The following KCNQ5 variants were observed in gnomAD, a reference collection of about 807,000 sequenced individuals.
KCNQ5 encodes the protein potassium voltage-gated channel subfamily KQT member 5.
Under a neutral mutation model 98.2 loss-of-function variants are expected in KCNQ5, and 30 were observed. The ratio of observed to expected loss-of-function variants is 0.31; its 90% CI spans 0.23 to 0.41. KCNQ5 has a LOEUF of 0.41. KCNQ5 is among the 10% of genes least tolerant of loss of function. The pLI is 1.00. For missense variants in KCNQ5, 835 were observed against 1,182.5 expected, an observed-to-expected ratio of 0.71 and a Z score of 4.31; for synonymous variants, 458 against 449.4, an observed-to-expected ratio of 1.02 and a Z score of -0.24.
chr6:73,162,206 C>T (rs775591364), intron 10 of KCNQ5, among the ~76,000 whole-genome samples: 5 of 151,936 alleles, frequency 3.3e-5, no homozygotes, highest in East Asian at 3.9e-4. Flanking sequence ...GGATTACAGG[C>T]GTGAGCTGCC....
chr6:72,759,363 A>C (rs1041727384), intron 1 of KCNQ5, among the ~76,000 whole-genome samples: 2 of 152,118 alleles, frequency 1.3e-5, no homozygotes, highest in East Asian at 3.9e-4. Context: ...GTTATAAGGG[A>C]AAAAAAATAT....
intron 1 of KCNQ5, among the ~76,000 whole-genome samples, chr6:72,837,895 T>C (rs779110979): frequency 7.7e-4 from 117 of 152,268 alleles, no homozygotes; most frequent in Non-Finnish European, 9.7e-4. Context: ...TCTGGCTAAA[T>C]AGAAACCTGA....
intron 5 of KCNQ5, among the ~76,000 whole-genome samples, chr6:73,097,300 C>T (rs888597740): frequency 1.3e-5 from 2 of 151,662 alleles, no homozygotes; most frequent in African/African-American, 4.8e-5. Context: ...TTCAGATTCC[C>T]CATGTAGTGA....
intron 1 of KCNQ5, among the ~76,000 whole-genome samples, chr6:72,698,588 A>G (rs553602861): frequency 1.3e-5 from 2 of 151,888 alleles, no homozygotes; most frequent in African/African-American, 2.4e-5. Context: ...TTAAATAGGG[A>G]AAAGAGAATA....
At chr6:72,810,182 A>G (rs1463907173) in intron 1 of KCNQ5, among the ~76,000 whole-genome samples, 1 of 152,190 alleles carries the variant, frequency 6.6e-6, no homozygotes, top group Non-Finnish European at 1.5e-5. Flanking sequence ...AATGCTCCTT[A>G]ACAATGATGT....
intron 5 of KCNQ5, among the ~76,000 whole-genome samples, chr6:73,085,607 T>C (rs1260368180): frequency 6.6e-6 from 1 of 151,764 alleles, no homozygotes; most frequent in Non-Finnish European, 1.5e-5. Context: ...GTGGGCAGGG[T>C]CTTTGCTCAC....
intron 1 of KCNQ5, among the ~76,000 whole-genome samples, chr6:72,727,416 C>T (rs1770338342): frequency 6.6e-6 from 1 of 152,154 alleles, no homozygotes; most frequent in Non-Finnish European, 1.5e-5. Flanking sequence ...AAAATGTTTT[C>T]ACATGAAAAT....
chr6:72,742,944 G>A (rs1009068695), intron 1 of KCNQ5, among the ~76,000 whole-genome samples: 4 of 152,082 alleles, frequency 2.6e-5, no homozygotes, highest in African/African-American at 9.7e-5. Context: ...AAAAGAAACC[G>A]GAAATATTCT....
At chr6:72,674,408 C>T (rs1767301624) in intron 1 of KCNQ5, among the ~76,000 whole-genome samples, 1 of 151,950 alleles carries the variant, frequency 6.6e-6, no homozygotes, top group African/African-American at 2.4e-5. Context: ...CAGAAATCAC[C>T]ACTAAAGAAC....
At chr6:73,118,063 T>C (rs948270186) in intron 7 of KCNQ5, among the ~76,000 whole-genome samples, 1 of 152,194 alleles carries the variant, frequency 6.6e-6, no homozygotes, top group African/African-American at 2.4e-5. Context: ...TATGTCACTT[T>C]CTGAAATTTC....
At chr6:72,676,636 CATTA>C (rs1767421468) in intron 1 of KCNQ5, among the ~76,000 whole-genome samples, 1 of 149,624 alleles carries the variant, frequency 6.7e-6, no homozygotes, top group Non-Finnish European at 1.5e-5. Flanking sequence ...GTCGTGGTTG[CATTA>C]ATTGACCAAC....
At chr6:73,040,072 T>A (rs958700526) in intron 2 of KCNQ5, among the ~76,000 whole-genome samples, 1 of 152,074 alleles carries the variant, frequency 6.6e-6, no homozygotes, top group African/African-American at 2.4e-5. Context: ...AGGGCTTGAA[T>A]AAAGAACTTG....
At chr6:72,846,179 A>T (rs1168589498) in intron 1 of KCNQ5, among the ~76,000 whole-genome samples, 1 of 152,184 alleles carries the variant, frequency 6.6e-6, no homozygotes, top group African/African-American at 2.4e-5. Context: ...AAAAAATGAG[A>T]CTTAAAACTA....
chr6:73,049,923 C>A (rs568926786), intron 3 of KCNQ5, among the ~76,000 whole-genome samples: 2 of 152,234 alleles, frequency 1.3e-5, no homozygotes, highest in South Asian at 4.1e-4. Flanking sequence ...TGGCTCATGC[C>A]TGTAATCCCA....
chr6:72,743,932 A>C (rs1771249696), intron 1 of KCNQ5, among the ~76,000 whole-genome samples: 1 of 152,214 alleles, frequency 6.6e-6, no homozygotes, highest in African/African-American at 2.4e-5. Flanking sequence ...ATCTTAGCCC[A>C]TAGGCAGAAG....
chr6:72,834,054 G>A (rs2150126506), intron 1 of KCNQ5, among the ~76,000 whole-genome samples: 1 of 152,072 alleles, frequency 6.6e-6, no homozygotes, highest in African/African-American at 2.4e-5. Flanking sequence ...GAATAGGATG[G>A]GGAAGAAAAG....
chr6:73,162,500 G>C (rs891108716), intron 10 of KCNQ5, among the ~76,000 whole-genome samples: 2 of 152,094 alleles, frequency 1.3e-5, no homozygotes, highest in African/African-American at 4.8e-5. Context: ...GTGCTCACAT[G>C]AGTTCACGGT....
chr6:72,818,606 T>C (rs1039045284), intron 1 of KCNQ5, among the ~76,000 whole-genome samples: 1 of 151,618 alleles, frequency 6.6e-6, no homozygotes, highest in Non-Finnish European at 1.5e-5. Context: ...TTTTATTTGA[T>C]TTATCTTTTA....
intron 1 of KCNQ5, among the ~76,000 whole-genome samples, chr6:72,823,074 C>T (rs1775827756): frequency 6.6e-6 from 1 of 152,140 alleles, no homozygotes; most frequent in Non-Finnish European, 1.5e-5. Flanking sequence ...AGTCCCTTTG[C>T]CATATAAGGC....
Sources: gnomAD v4.1 joint callset for allele counts (sites outside exome capture counted in the v4.1 genomes callset) on GRCh38, gnomAD v4.1.1 for gene constraint, MANE v1.5 for transcripts, NCBI Gene and HGNC (gene_info 2026-07-23, HGNC 2026-07-21) for gene names.